SF3A2: variants seen among roughly 807,000 people sequenced by gnomAD.
SF3A2 encodes the protein splicing factor 3a subunit 2.
Under a neutral mutation model 31.1 loss-of-function variants are expected in SF3A2, and 5 were observed. That is an observed-to-expected ratio of 0.16 (90% CI 0.08 to 0.34). The LOEUF is 0.34. Ranked by LOEUF, SF3A2 falls within the 10% of genes least tolerant of loss-of-function variation. SF3A2 has a pLI of 1.00. For missense variants in SF3A2, 577 were observed against 643.9 expected (o/e 0.90, Z 1.13); for synonymous variants, 365 against 263.7 (o/e 1.38, Z -3.72).
At position 2,247,910 on chromosome 19, in the gene SF3A2, G is replaced by T; in HGVS notation, c.759G>T (p.Pro253=). ...CACCGCTGCCTGAGTCTTTGCCACC[G>T]CCCCCGCCAGGAGGCCTGCCTCTGC... The part of the protein sequence containing the change: ...PRPPLPESLP[P]PPPGGLPLPP... Residue 253 remains proline, a synonymous_variant, in exon 9 of 9, where the codon CCG becomes CCT. Coordinates refer to ENST00000221494, the MANE Select transcript of SF3A2 (RefSeq NM_007165.5). The T allele has an allele frequency of 1.3e-6, 2 of 1,557,142 alleles. No individual in the cohort carries two copies. The highest frequency in any genetic ancestry group is 8.7e-7 in the Non-Finnish European group (1 of 1,153,922).
rs553562827 is a variant in SF3A2, at chr19:2,247,669, G to A, written c.615+7G>A. The A allele has an allele frequency of 5.0e-6, 8 of 1,612,890 alleles. No homozygotes were observed. The highest frequency in any genetic ancestry group is 5.9e-6 in the Non-Finnish European group (7 of 1,179,702). ...GAACCGGGAGACCAAGCAGGTGAGT[G>A]GCTCGCCCCGAGCCTGGCTCCTTCC... On this transcript the variant is annotated splice_region_variant and intron_variant, in intron 8 of 8. Transcript: ENST00000221494.
In SF3A2 at chr19:2,245,242, G is replaced by A; in HGVS notation, c.246-204G>A. On this transcript the variant is annotated intron_variant, in intron 4 of 8. Transcript: ENST00000221494. The surrounding 1 kb of genome is among the most constrained non-coding windows in gnomAD (Gnocchi z 4.2). ...AGTTGTTGGAAGGGCCCCAGCCAGG[G>A]ACAGTGAGGAGCATGACAGGAAGAG... 2 of 550,808 alleles carry A rather than the reference G, an allele frequency of 3.6e-6. No individual in the cohort carries two copies. Among genetic ancestry groups the A allele is most frequent in the South Asian group, 2.6e-5 (1 of 38,412 alleles). The allele number at this position is 550,808 out of a possible 1,614,324, so 34.1% of individuals were successfully genotyped here.
Position 2,244,656 on chromosome 19 carries a change from G to A in SF3A2, c.198+41G>A, listed in dbSNP as rs534921321. On this transcript the variant is annotated intron_variant, in intron 3 of 8. Transcript: ENST00000221494. ...GGCTCCGGGCGGCTCGCGGCGGGCT[G>A]AGTGGCTGACGTCAGGGGGACCTGC... 4 of 1,611,538 alleles carry A rather than the reference G, an allele frequency of 2.5e-6. No individual in the cohort carries two copies. The African/African-American group carries it at 5.3e-5, about 21-fold the overall frequency.
chr19:2,247,685 G>C, intron 8 of SF3A2, 23 bp downstream of exon 8: 1 of 1,612,522 alleles, frequency 6.2e-7, no homozygotes, highest in South Asian at 1.1e-5. Context: ...CCCCGAGCCT[G>C]GCTCCTTCCC....
rs1404234638 is a variant in SF3A2 at position 2,248,014 on chromosome 19, AC to A, written c.869del (p.Pro290ArgfsTer156). On this transcript the variant is annotated frameshift_variant, in exon 9 of 9. Transcript: ENST00000221494. LOFTEE classifies it low-confidence loss of function (END_TRUNC). ...PQLPPPAPGV[H>X]PPAPVVHPPA... Reference sequence around the variant, plus strand: ...CTACCCCCGCCAGCTCCAGGGGTCCACCCCCCGGCCCCAGTGGTGCATCCCC... The same window carrying A: ...CTACCCCCGCCAGCTCCAGGGGTCCACCCCCGGCCCCAGTGGTGCATCCCC... The A allele has an allele frequency of 2.0e-4, 164 of 828,986 alleles. No homozygotes were observed. Among genetic ancestry groups the A allele is most frequent in the Non-Finnish European group, 2.5e-4 (137 of 550,644 alleles). 51.4% of individuals were successfully genotyped at this position (828,986 alleles called of 1,614,324 possible).
chr19:2,247,961 G>A lies in SF3A2; in HGVS notation c.810G>A (p.Ala270=), dbSNP rs565552532. ...CACCCATGCCCCCCACAGGGCCTGCGCCCTCAGGGCCCCCGGGACCACCCC... is the reference window on the plus strand; with the variant it reads ...CACCCATGCCCCCCACAGGGCCTGCACCCTCAGGGCCCCCGGGACCACCCC... The part of the protein sequence containing the change: ...PLPPMPPTGP[A]PSGPPGPPQL... Residue 270 remains alanine (A), a synonymous_variant, in exon 9 of 9, where the codon GCG becomes GCA. Coordinates refer to ENST00000221494, the MANE Select transcript of SF3A2 (RefSeq NM_007165.5). 197 of 1,211,716 alleles carry A rather than the reference G, an allele frequency of 1.6e-4. 1 individual carries two copies. In the South Asian group the frequency reaches 1.9e-3, roughly 12 times the overall value. The allele number at this position is 1,211,716 out of a possible 1,614,324, so 75.1% of individuals were successfully genotyped here. A position where few individuals can be genotyped will look rare whatever the true frequency, so the allele number is the denominator to read the frequency against.
intron 7 of SF3A2, 165 bp downstream of exon 7, chr19:2,247,187 T>G: frequency 2.4e-5 from 1 of 41,380 alleles, no homozygotes; most frequent in East Asian, 4.0e-4. Context: ...CCTCTCCCAT[T>G]GGGCTCTGCA....
intron 1 of SF3A2, among the ~76,000 whole-genome samples, chr19:2,241,923 G>C (rs1419306286): frequency 2.0e-5 from 3 of 152,214 alleles, no homozygotes; most frequent in Admixed American, 6.5e-5. Context: ...ACTGCAGTGA[G>C]CTGGGAGGTC....
rs769234590 is a variant in SF3A2 at position 2,246,902 on chromosome 19, C to T, written c.426C>T (p.Ala142=). 39 of 1,609,944 alleles carry T rather than the reference C, an allele frequency of 2.4e-5. No homozygotes were observed. Among genetic ancestry groups the T allele is most frequent in the East Asian group, 2.0e-4 (9 of 44,840 alleles). The change falls in exon 7 of 9, where the codon GCC becomes GCT. Residue 142 remains alanine (A), a synonymous_variant. Transcript: ENST00000221494. The surrounding 1 kb of genome is among the most constrained non-coding windows in gnomAD (Gnocchi z 5.5). ...LLFQIDYPEI[A]EGIMPRHRFM... ...TGCAGATTGACTACCCTGAGATCGC[C>T]GAGGGCATCATGCCACGTCACCGCT... is the stretch of plus-strand genomic sequence containing the variant.
chr19:2,241,457 C>G (rs2024888167), intron 1 of SF3A2, among the ~76,000 whole-genome samples: 1 of 152,192 alleles, frequency 6.6e-6, no homozygotes, highest in South Asian at 2.1e-4. Flanking sequence ...GTCACTTGAC[C>G]AGGAAATGCT....
At chr19:2,240,024 G>A (rs112056742) in intron 1 of SF3A2, among the ~76,000 whole-genome samples, 2,190 of 152,316 alleles carry the variant, frequency 0.014, 44 homozygotes, top group African/African-American at 0.049. Flanking sequence ...CAAAGCGGCC[G>A]GCAGCTCTGT....
chr19:2,248,255 ATCAGCGGGGGTTCACCC>A lies in SF3A2; in HGVS notation c.1105_1121del (p.Ser369ProfsTer?). ...CAGCCCCAGGGGTCCATCCTCCCCC[ATCAGCGGGGGTTCACCC>A]CCAGGCCCCGGGGGTGCACCCAGCA... On this transcript the variant is annotated frameshift_variant, in exon 9 of 9. Transcript: ENST00000221494. LOFTEE classifies it low-confidence loss of function (END_TRUNC). 9.4e-7 allele frequency: 1 copy of A among 1,068,034 alleles called. No homozygotes were observed. Among genetic ancestry groups the A allele is most frequent in the Non-Finnish European group, 1.1e-6 (1 of 879,342 alleles). 66.2% of individuals were successfully genotyped at this position (1,068,034 alleles called of 1,614,324 possible). A position where few individuals can be genotyped will look rare whatever the true frequency, so the allele number is the denominator to read the frequency against.
rs752385743 is a variant in SF3A2, at chr19:2,246,611, C to T, written c.356-142C>T. 6.7e-5 allele frequency: 60 copies of T among 893,512 alleles called. No individual in the cohort carries two copies. The highest frequency in any genetic ancestry group is 9.4e-5 in the Non-Finnish European group (55 of 585,520). 55.3% of individuals were successfully genotyped at this position (893,512 alleles called of 1,614,324 possible). A position where few individuals can be genotyped will look rare whatever the true frequency, so the allele number is the denominator to read the frequency against. ...CTATACCAGAATCCCAGAGCCTGGG[C>T]GGAGATTGTCTAATGGTTGCCAGAG... On this transcript the variant is annotated intron_variant, in intron 5 of 8. Transcript: ENST00000221494. The surrounding 1 kb of genome is among the most constrained non-coding windows in gnomAD (Gnocchi z 5.5).
rs2024922696 is a variant in SF3A2, at chr19:2,245,347, G to T, written c.246-99G>T. ...CCTGGCCCTCCTCATCTCTCAGCTT[G>T]TAGTGAGCTCCAAGGTCAGGGGGCT... On this transcript the variant is annotated intron_variant, in intron 4 of 8. Coordinates refer to ENST00000221494, the MANE Select transcript of SF3A2 (RefSeq NM_007165.5). This position sits in a 1 kb window ranked among gnomAD's most constrained non-coding sequence, Gnocchi z 4.2. 7 of 846,022 alleles carry T rather than the reference G, an allele frequency of 8.3e-6. No individual in the cohort carries two copies. Among genetic ancestry groups the T allele is most frequent in the Non-Finnish European group, 1.3e-5 (7 of 529,558 alleles). 52.4% of individuals were successfully genotyped at this position (846,022 alleles called of 1,614,324 possible). A position where few individuals can be genotyped will look rare whatever the true frequency, so the allele number is the denominator to read the frequency against.
At chr19:2,238,834 T>C (rs2024864063) in intron 1 of SF3A2, among the ~76,000 whole-genome samples, 1 of 152,200 alleles carries the variant, frequency 6.6e-6, no homozygotes, top group South Asian at 2.1e-4. Context: ...GGTTGTGCTC[T>C]GACCTGGAAG....
rs1017340116 is a variant in SF3A2, at chr19:2,246,294, G to A, written c.356-459G>A. Among the ~76,000 whole-genome samples the A allele has an allele frequency of 2.0e-5, 3 of 152,060 alleles. No homozygotes were observed. The highest frequency in any genetic ancestry group is 7.2e-5 in the African/African-American group (3 of 41,416). On this transcript the variant is annotated intron_variant, in intron 5 of 8. Coordinates refer to ENST00000221494, the MANE Select transcript of SF3A2 (RefSeq NM_007165.5). This position sits in a 1 kb window ranked among gnomAD's most constrained non-coding sequence, Gnocchi z 5.5. ...GAGGCCGCATGGAGAGTGGCCGGGC[G>A]GCAGGCAGCCCAGCAGCCATTCTCG...
chr19:2,248,265 G>C lies in SF3A2; in HGVS notation c.1114G>C (p.Val372Leu). The change falls in exon 9 of 9, where the codon GTT becomes CTT. Residue 372 changes from valine (V) to leucine (L), a missense_variant. Coordinates refer to ENST00000221494, the MANE Select transcript of SF3A2 (RefSeq NM_007165.5). Reference sequence around the variant, plus strand: ...GGTCCATCCTCCCCCATCAGCGGGGGTTCACCCCCAGGCCCCGGGGGTGCA... The same window carrying C: ...GGTCCATCCTCCCCCATCAGCGGGGCTTCACCCCCAGGCCCCGGGGGTGCA... ...PGVHPPPSAG[V>L]HPQAPGVHPA... 7.1e-7 allele frequency: 1 copy of C among 1,404,440 alleles called. No individual in the cohort carries two copies. The highest frequency in any genetic ancestry group is 2.1e-4 in the Middle Eastern group (1 of 4,736). 87.0% of individuals were successfully genotyped at this position (1,404,440 alleles called of 1,614,324 possible).
chr19:2,243,612 G>T, intron 2 of SF3A2, 68 bp downstream of exon 2: 1 of 1,446,618 alleles, frequency 6.9e-7, no homozygotes, highest in Non-Finnish European at 9.1e-7. Flanking sequence ...TGGAGAGGGT[G>T]CCAGAGGCTC....
Position 2,245,276 on chromosome 19 carries a change from T to G in SF3A2, c.246-170T>G. On this transcript the variant is annotated intron_variant, in intron 4 of 8. Transcript: ENST00000221494. This position sits in a 1 kb window ranked among gnomAD's most constrained non-coding sequence, Gnocchi z 4.2. ...GAGCATGACAGGAAGAGAACATGCC[T>G]GTCCTATCCCTGTCCTCAGCCAAAC... 3.4e-6 allele frequency: 2 copies of G among 591,418 alleles called. No individual in the cohort carries two copies. Among genetic ancestry groups the G allele is most frequent in the Non-Finnish European group, 3.0e-6 (1 of 331,988 alleles). The allele number at this position is 591,418 out of a possible 1,614,324, so 36.6% of individuals were successfully genotyped here.
Sources: gnomAD v4.1 joint callset for allele counts (sites outside exome capture counted in the v4.1 genomes callset) on GRCh38, gnomAD v4.1.1 for gene constraint, Gnocchi (gnomAD v3.1) non-coding constraint, MANE v1.5 for transcripts, NCBI Gene and HGNC (gene_info 2026-07-23, HGNC 2026-07-21) for gene names.